RBFOX1: variants seen among roughly 807,000 people sequenced by gnomAD.
RBFOX1 encodes the protein RNA binding protein fox-1 homolog 1.
In RBFOX1, 8 loss-of-function variants were observed where a neutral mutation model predicts 57.7. That is an observed-to-expected ratio of 0.14 (90% confidence interval 0.08 to 0.25). The LOEUF (loss-of-function observed/expected upper bound fraction) is 0.25, where lower values mean the gene tolerates loss of function less well. RBFOX1 is among the 10% of genes least tolerant of loss of function. The pLI, the probability that RBFOX1 is intolerant of heterozygous loss-of-function variation, is 1.00. For synonymous variants in RBFOX1, 326 were observed against 222.4 expected, an observed-to-expected ratio of 1.47 and a Z score of -4.15; for missense variants, 611 against 548.5, an observed-to-expected ratio of 1.11 and a Z score of -1.14.
At chr16:6,203,294 T>C (rs2097228650) in intron 1 of RBFOX1, among the ~76,000 whole-genome samples, 2 of 152,150 alleles carry the variant, frequency 1.3e-5, no homozygotes, top group Non-Finnish European at 2.9e-5. Context: ...TACTTTGTGG[T>C]TCTGTGAGTT....
chr16:7,425,520 T>G (rs2098601947), intron 4 of RBFOX1, among the ~76,000 whole-genome samples: 1 of 152,226 alleles, frequency 6.6e-6, no homozygotes, highest in African/African-American at 2.4e-5. Flanking sequence ...GTTTCGACTT[T>G]AAATATCACC....
At chr16:7,380,381 A>C (rs1284224157) in intron 4 of RBFOX1, among the ~76,000 whole-genome samples, 1 of 152,256 alleles carries the variant, frequency 6.6e-6, no homozygotes, top group African/African-American at 2.4e-5. Flanking sequence ...ATACACATTT[A>C]GAACATATAT....
chr16:5,549,035 G>A (rs1321336450), intron 2 of RBFOX1, among the ~76,000 whole-genome samples: 1 of 152,188 alleles, frequency 6.6e-6, no homozygotes, highest in Non-Finnish European at 1.5e-5. Context: ...ATTCATACTG[G>A]CCGCAAGGCA....
intron 3 of RBFOX1, among the ~76,000 whole-genome samples, chr16:6,953,567 A>G (rs1041900294): frequency 1.3e-5 from 2 of 152,072 alleles, no homozygotes; most frequent in Non-Finnish European, 2.9e-5. Context: ...TTGTATCTTT[A>G]GTAGAGATGG....
intron 4 of RBFOX1, among the ~76,000 whole-genome samples, chr16:5,918,035 C>A (rs1177095684): frequency 6.6e-6 from 1 of 152,176 alleles, no homozygotes; most frequent in East Asian, 1.9e-4. Context: ...GAAAGCCCTC[C>A]TTTCACAGGT....
intron 2 of RBFOX1, among the ~76,000 whole-genome samples, chr16:6,637,904 G>C (rs1237040638): frequency 2.0e-5 from 3 of 151,906 alleles, no homozygotes; most frequent in African/African-American, 4.8e-5. Context: ...CATTTTACAG[G>C]GATTTTACCC....
rs2054117958 is a variant in RBFOX1, at chr16:5,775,508, A to T, written c.319-91795A>T. On this transcript the variant is annotated intron_variant, in intron 3 of 19. Transcript: ENST00000641259. ...AAATGTTTTGTCCCTTCTATCACAAATGATAAAAATTAAGGAGCCTTATAT... is the reference window on the plus strand; with the variant it reads ...AAATGTTTTGTCCCTTCTATCACAATTGATAAAAATTAAGGAGCCTTATAT... 1.3e-5 allele frequency among the ~76,000 whole-genome samples: 2 copies of T among 152,202 alleles called. 1 individual carries two copies. The highest frequency in any genetic ancestry group is 4.1e-4 in the South Asian group (2 of 4,830).
intron 3 of RBFOX1, among the ~76,000 whole-genome samples, chr16:6,989,956 G>A (rs376625002): frequency 6.6e-6 from 1 of 151,998 alleles, no homozygotes; most frequent in Admixed American, 6.6e-5. Context: ...AACTGAGACC[G>A]CACCACCGCA....
At chr16:6,768,740 C>CT (rs536608931) in intron 3 of RBFOX1, among the ~76,000 whole-genome samples, 5,822 of 139,504 alleles carry the variant, frequency 0.042, 370 homozygotes, top group African/African-American at 0.14. Context: ...TATTATTTTT[C>CT]TTTTTTTTTT....
chr16:6,656,299 G>A (rs989236715), intron 3 of RBFOX1, among the ~76,000 whole-genome samples: 7 of 152,028 alleles, frequency 4.6e-5, no homozygotes, highest in Non-Finnish European at 7.4e-5. Context: ...TGTTTTGTCC[G>A]GTATCTTTTT....
chr16:7,661,635 T>C (rs181600391), intron 12 of RBFOX1, among the ~76,000 whole-genome samples: 1 of 152,328 alleles, frequency 6.6e-6, no homozygotes, highest in African/African-American at 2.4e-5. Flanking sequence ...TGACTGTGTG[T>C]CCCACTTCCT....
intron 4 of RBFOX1, among the ~76,000 whole-genome samples, chr16:7,126,900 T>G (rs564647979): frequency 6.6e-6 from 1 of 151,650 alleles, no homozygotes; most frequent in Non-Finnish European, 1.5e-5. Flanking sequence ...TCCCAGCTAC[T>G]TGGGAGGCTG....
intron 2 of RBFOX1, among the ~76,000 whole-genome samples, chr16:6,546,121 C>A (rs1026293401): frequency 1.3e-5 from 2 of 152,184 alleles, no homozygotes; most frequent in African/African-American, 2.4e-5. Flanking sequence ...TGTTAGGCTA[C>A]ATTCAAAGGC....
intron 4 of RBFOX1, among the ~76,000 whole-genome samples, chr16:5,908,229 C>CACAT (rs1567133931): frequency 1.4e-5 from 2 of 141,044 alleles, no homozygotes; most frequent in Non-Finnish European, 3.0e-5. Flanking sequence ...TATATACACA[C>CACAT]ATATATATAC....
At chr16:5,776,242 C>T (rs182578534) in intron 3 of RBFOX1, among the ~76,000 whole-genome samples, 85 of 152,284 alleles carry the variant, frequency 5.6e-4, no homozygotes, top group African/African-American at 2.0e-3. Flanking sequence ...TTTGCACATT[C>T]GTTGATTTGT....
intron 3 of RBFOX1, among the ~76,000 whole-genome samples, chr16:6,934,439 G>A (rs1044886419): frequency 2.6e-5 from 4 of 152,124 alleles, no homozygotes; most frequent in Non-Finnish European, 4.4e-5. Context: ...GTTTATTGCA[G>A]CACTACTTAA....
chr16:5,627,133 A>G (rs1320907449), intron 3 of RBFOX1, among the ~76,000 whole-genome samples: 1 of 152,226 alleles, frequency 6.6e-6, no homozygotes. Flanking sequence ...TTAAATTAAG[A>G]TGCTGAAAAA....
chr16:6,255,929 T>G (rs2097658481), intron 1 of RBFOX1, among the ~76,000 whole-genome samples: 1 of 151,286 alleles, frequency 6.6e-6, no homozygotes, highest in Non-Finnish European at 1.5e-5. Flanking sequence ...TTAGGACAAA[T>G]ACCTAATGCA....
chr16:6,609,070 C>G (rs867910739), intron 2 of RBFOX1, among the ~76,000 whole-genome samples: 1 of 152,290 alleles, frequency 6.6e-6, no homozygotes, highest in Non-Finnish European at 1.5e-5. Context: ...TTACCTGGAG[C>G]CCATCTTGAT....
Sources: allele counts gnomAD v4.1 joint callset (sites outside exome capture counted in the v4.1 genomes callset), GRCh38; gene constraint gnomAD v4.1.1; transcripts MANE v1.5; gene names NCBI Gene and HGNC (gene_info 2026-07-23, HGNC 2026-07-21).